The following KIAA1217 variants were observed in gnomAD, a reference collection of about 807,000 sequenced individuals.
The protein encoded by KIAA1217 is KIAA1217, also known as sickle tail protein homolog.
Under a neutral mutation model 163.9 loss-of-function variants are expected in KIAA1217, and 88 were observed. That is an observed-to-expected ratio of 0.54 (90% CI 0.45 to 0.64). The LOEUF is 0.64. Among genes scored for constraint, KIAA1217 ranks in the 30% least tolerant of loss-of-function variants. KIAA1217 has a pLI of 0.00. For missense variants in KIAA1217, 2,372 were observed against 2,475.0 expected, an observed-to-expected ratio of 0.96 and a Z score of 0.88; for synonymous variants, 903 against 923.1, an observed-to-expected ratio of 0.98 and a Z score of 0.39.
intron 2 of KIAA1217, among the ~76,000 whole-genome samples, chr10:24,118,608 C>T (rs1290906893): frequency 6.6e-6 from 1 of 152,076 alleles, no homozygotes; most frequent in Non-Finnish European, 1.5e-5. Context: ...TACAAGAGGA[C>T]GCCTTCAAAC....
At chr10:24,284,318 C>T (rs900201400) in intron 2 of KIAA1217, among the ~76,000 whole-genome samples, 4 of 151,928 alleles carry the variant, frequency 2.6e-5, no homozygotes, top group African/African-American at 9.7e-5. Context: ...TTCTATAAAA[C>T]CTGTCACCCA....
chr10:24,149,585 T>A (rs2064505707), intron 2 of KIAA1217, among the ~76,000 whole-genome samples: 2 of 151,474 alleles, frequency 1.3e-5, no homozygotes, highest in South Asian at 4.2e-4. Flanking sequence ...GAAAAAAAAA[T>A]AAACAAATTT....
chr10:24,545,443 T>C (rs745391457), intron 20 of KIAA1217: 26 of 1,290,168 alleles, frequency 2.0e-5, no homozygotes, highest in Non-Finnish European at 2.5e-5. Context: ...TGAACTGCCC[T>C]TAACGTCACC....
rs191258981 is a variant in KIAA1217, at chr10:24,037,293, C to T, written c.-171+29919C>T. Among the ~76,000 whole-genome samples, 168 of 152,128 alleles carry T rather than the reference C, an allele frequency of 1.1e-3. 1 individual carries two copies. The highest frequency in any genetic ancestry group is 3.9e-3 in the African/African-American group (162 of 41,506). ...CTGGCCTGGCCAACTTGGTGAAACC[C>T]TGTCTCTACTAAAAAAATAAAAAAT... On this transcript the variant is annotated intron_variant, in intron 2 of 18. Transcript: ENST00000376462.
At position 23,934,577 on chromosome 10, in the gene KIAA1217, A is replaced by ATGTGTG. The variant is rs1302431868; in HGVS notation, c.-320-72647_-320-72646insGTGTGT. Among the ~76,000 whole-genome samples, 3 of 57,916 alleles carry ATGTGTG rather than the reference A, an allele frequency of 5.2e-5. No homozygotes were observed. In the African/African-American group the frequency reaches 5.4e-4, roughly 10 times the overall value. The allele number at this position is 57,916 out of a possible 152,430, so 38.0% of individuals were successfully genotyped here. On this transcript the variant is annotated intron_variant, in intron 1 of 18. Transcript: ENST00000376462. ...TTAAAGTATATATATATATATATAT[A>ATGTGTG]TATATATATATATGTATATATATAT...
chr10:24,164,406 A>G (rs1190546970), intron 2 of KIAA1217, among the ~76,000 whole-genome samples: 2 of 152,302 alleles, frequency 1.3e-5, no homozygotes, highest in East Asian at 3.9e-4. Flanking sequence ...GCCCTATCTA[A>G]AATCATCTAC....
In KIAA1217 at chr10:23,981,703, C is replaced by T. The variant is rs139248352; in HGVS notation, c.-320-25522C>T. Among the ~76,000 whole-genome samples, 202 of 151,712 alleles carry T rather than the reference C, an allele frequency of 1.3e-3. 2 individuals are homozygous for T. The highest frequency in any genetic ancestry group is 4.6e-3 in the African/African-American group (191 of 41,446). On this transcript the variant is annotated intron_variant, in intron 1 of 18. Coordinates refer to the KIAA1217 transcript ENST00000376462. ...TTCCTTTACACATGTCAAGACCAGC[C>T]CTGTTTGTGGACAATCTGTACTCTG... is the stretch of plus-strand genomic sequence containing the variant.
At chr10:24,527,060 C>A (rs1052438695) in intron 13 of KIAA1217, among the ~76,000 whole-genome samples, 35 of 152,140 alleles carry the variant, frequency 2.3e-4, no homozygotes, top group African/African-American at 7.2e-4. Flanking sequence ...AGAAAACATT[C>A]TTTTAAAAAG....
intron 1 of KIAA1217, among the ~76,000 whole-genome samples, chr10:23,787,815 TA>T (rs569477620): frequency 1.1e-4 from 17 of 152,290 alleles, no homozygotes; most frequent in African/African-American, 3.9e-4. Flanking sequence ...TTTTGGAGCA[TA>T]TTTTTTTTTT....
chr10:24,528,099 T>G lies in KIAA1217; in HGVS notation c.3062T>G (p.Val1021Gly), dbSNP rs777800405. 1 of 1,614,004 alleles carries G rather than the reference T, an allele frequency of 6.2e-7. No homozygotes were observed. Among genetic ancestry groups the G allele is most frequent in the East Asian group, 2.2e-5 (1 of 44,872 alleles). The change falls in exon 14 of 21, where the codon GTG (valine) becomes GGG (glycine). Residue 1021 changes from valine to glycine, a missense_variant. By Grantham distance (109) the Val-to-Gly change is moderately radical. Coordinates refer to ENST00000376454, the MANE Select transcript of KIAA1217 (RefSeq NM_019590.5). ...CCACTGCCAAGGGGAGATGCCCCAG[T>G]GGACAAGGTGGAACTTTCAGGTAAG... ...TGPLPRGDAP[V>G]DKVELSEDSP... is the part of the protein sequence containing the mutation.
chr10:24,521,400 A>G (rs749355918), intron 11 of KIAA1217, among the ~76,000 whole-genome samples: 35 of 152,090 alleles, frequency 2.3e-4, no homozygotes, highest in Non-Finnish European at 2.2e-4. Flanking sequence ...CCAGCTATCC[A>G]GGAAGCTGAG....
chr10:23,935,140 G>A (rs1843471590), intron 1 of KIAA1217, among the ~76,000 whole-genome samples: 1 of 152,156 alleles, frequency 6.6e-6, no homozygotes. Context: ...CATAAGTACA[G>A]TCTATGTTCT....
At chr10:24,529,774 G>A (rs1048486948) in intron 14 of KIAA1217, among the ~76,000 whole-genome samples, 2 of 151,412 alleles carry the variant, frequency 1.3e-5, no homozygotes. Context: ...AATTTCTGAT[G>A]GAGAAAATGC....
At chr10:23,700,781 A>G (rs1288852965) in intron 1 of KIAA1217, among the ~76,000 whole-genome samples, 1 of 152,236 alleles carries the variant, frequency 6.6e-6, no homozygotes, top group African/African-American at 2.4e-5. Context: ...ATTTTAAATT[A>G]CATCCATCTA....
chr10:23,850,427 A>G (rs1184575878), intron 1 of KIAA1217, among the ~76,000 whole-genome samples: 1 of 152,070 alleles, frequency 6.6e-6, no homozygotes, highest in Non-Finnish European at 1.5e-5. Context: ...CCAGCTGACA[A>G]TTTCCACTGT....
chr10:23,792,435 A>T lies in KIAA1217; in HGVS notation c.-321+97201A>T, dbSNP rs116777138. 4.7e-3 allele frequency among the ~76,000 whole-genome samples: 715 copies of T among 152,170 alleles called. 2 individuals carry two copies. The highest frequency in any genetic ancestry group is 0.017 in the African/African-American group (690 of 41,534). On this transcript the variant is annotated intron_variant, in intron 1 of 18. Coordinates refer to the KIAA1217 transcript ENST00000376462. ...GTCTTTTTGAATGGACCTAACTTGA[A>T]TGTCATTACTGTTAAAATATTAACC...
intron 1 of KIAA1217, among the ~76,000 whole-genome samples, chr10:24,218,946 G>A (rs1453155474): frequency 2.0e-5 from 3 of 152,114 alleles, no homozygotes; most frequent in Non-Finnish European, 2.9e-5. Context: ...TCAGAAACCC[G>A]ACTGAGCTTA....
chr10:23,768,483 A>G (rs541775879), intron 1 of KIAA1217, among the ~76,000 whole-genome samples: 8 of 152,342 alleles, frequency 5.3e-5, no homozygotes, highest in Non-Finnish European at 1.2e-4. Context: ...TAAATGCTCA[A>G]TTAATATTTG....
At chr10:24,142,480 G>A (rs994880284) in intron 2 of KIAA1217, among the ~76,000 whole-genome samples, 23 of 152,126 alleles carry the variant, frequency 1.5e-4, no homozygotes, top group African/African-American at 5.6e-4. Flanking sequence ...GGAGAAAGAA[G>A]GAAGATGGAC....
Sources: allele counts gnomAD v4.1 joint callset (sites outside exome capture counted in the v4.1 genomes callset), GRCh38; gene constraint gnomAD v4.1.1; transcripts MANE v1.5; gene names NCBI Gene and HGNC (gene_info 2026-07-23, HGNC 2026-07-21).